The following SNCAIP variants were observed in gnomAD, a reference collection of about 807,000 sequenced individuals.
SNCAIP encodes the protein synphilin-1.
Under a neutral mutation model 86.7 loss-of-function variants are expected in SNCAIP, and 43 were observed. The observed-to-expected ratio is 0.50, with a 90% CI of 0.39 to 0.64. SNCAIP has a LOEUF of 0.64. SNCAIP is among the 30% of genes least tolerant of loss of function. The pLI is 0.00. For synonymous variants in SNCAIP, 417 were observed against 427.2 expected, an observed-to-expected ratio of 0.98 and a Z score of 0.29; for missense variants, 981 against 1,103.1, an observed-to-expected ratio of 0.89 and a Z score of 1.57.
In SNCAIP at chr5:122,389,759, C is replaced by A. The variant is rs1028986388; in HGVS notation, c.-46-1330C>A. ...TTAAACATGGAAGTAACATCCTAATCCTTTCTTGGATGGACTCTGTATCTA... is the reference window on the plus strand; with the variant it reads ...TTAAACATGGAAGTAACATCCTAATACTTTCTTGGATGGACTCTGTATCTA... On this transcript the variant is annotated intron_variant, in intron 1 of 10. Transcript: ENST00000261368. The A allele has an allele frequency of 2.6e-5, 4 of 152,188 alleles. No homozygotes were observed. The East Asian group carries it at 5.8e-4, about 22-fold the overall frequency. 9.4% of individuals were successfully genotyped at this position (152,188 alleles called of 1,614,324 possible).
rs1375394838 is a variant in SNCAIP, at chr5:122,438,006, AC to A, written c.1297-2617del. Among the ~76,000 whole-genome samples, 15 of 152,024 alleles carry A rather than the reference AC, an allele frequency of 9.9e-5. No homozygotes were observed. In the South Asian group the frequency reaches 1.0e-3, roughly 11 times the overall value. The stretch of plus-strand genomic sequence containing the variant: ...TTTTTTGTGTATGTGGAATAGACAT[AC>A]CCCCCATAATATTGGGGCCTGGAAA... On this transcript the variant is annotated intron_variant, in intron 6 of 10. Coordinates refer to ENST00000261368, the MANE Select transcript of SNCAIP (RefSeq NM_005460.4).
chr5:122,423,581 G>T lies in SNCAIP; in HGVS notation c.844G>T (p.Ala282Ser). 1 of 1,614,130 alleles carries T rather than the reference G, an allele frequency of 6.2e-7. No homozygotes were observed. The highest frequency in any genetic ancestry group is 8.5e-7 in the Non-Finnish European group (1 of 1,180,034). Reference sequence around the variant, plus strand: ...GACAACACCAGACTGCCAGCTCAGGGCCTTCCACCTACAATCCTCAGCAGC... The same window carrying T: ...GACAACACCAGACTGCCAGCTCAGGTCCTTCCACCTACAATCCTCAGCAGC... ...EKTTPDCQLR[A>S]FHLQSSAAES... The change falls in exon 4 of 11, where the codon GCC becomes TCC. Residue 282 changes from alanine (A) to serine (S), a missense_variant. Transcript: ENST00000261368.
chr5:122,434,105 G>C (rs930763429), intron 6 of SNCAIP, among the ~76,000 whole-genome samples: 1 of 152,124 alleles, frequency 6.6e-6, no homozygotes, highest in Admixed American at 6.5e-5. Flanking sequence ...TCAAATGATC[G>C]GAAGAATTTG....
chr5:122,391,248 G>A, intron 2 of SNCAIP, 57 bp downstream of exon 2: 1 of 1,210,192 alleles, frequency 8.3e-7, no homozygotes, highest in Non-Finnish European at 1.2e-6. Context: ...CAACTTCATA[G>A]CCTACTTTCT....
chr5:122,318,642 T>C (rs1752310882), intron 1 of SNCAIP, among the ~76,000 whole-genome samples: 1 of 152,236 alleles, frequency 6.6e-6, no homozygotes, highest in South Asian at 2.1e-4. Flanking sequence ...TACTGGGACA[T>C]GAAGACAGAT....
chr5:122,366,717 G>T (rs1763265626), intron 1 of SNCAIP, among the ~76,000 whole-genome samples: 1 of 152,064 alleles, frequency 6.6e-6, no homozygotes, highest in Admixed American at 6.6e-5. Flanking sequence ...GATAGGAGCT[G>T]AATGTAGGCA....
intron 1 of SNCAIP, among the ~76,000 whole-genome samples, chr5:122,339,839 T>G (rs984347837): frequency 2.0e-5 from 3 of 152,200 alleles, no homozygotes; most frequent in Non-Finnish European, 4.4e-5. Flanking sequence ...CGTGGAATAT[T>G]AAACGACTGA....
At chr5:122,450,092 A>C (rs111826850) in intron 9 of SNCAIP, among the ~76,000 whole-genome samples, 155 bp downstream of exon 9, 1 of 152,230 alleles carries the variant, frequency 6.6e-6, no homozygotes, top group African/African-American at 2.4e-5. Flanking sequence ...TGAAAAAGGC[A>C]CTGGACCTAG....
intron 2 of SNCAIP, among the ~76,000 whole-genome samples, chr5:122,394,385 G>C (rs943790564): frequency 3.3e-5 from 5 of 152,168 alleles, no homozygotes; most frequent in South Asian, 2.1e-4. Flanking sequence ...TACTTAATGA[G>C]AGAAAACACA....
intron 2 of SNCAIP, 84 bp downstream of exon 2, chr5:122,391,275 A>G: frequency 3.0e-6 from 3 of 984,578 alleles, no homozygotes; most frequent in Non-Finnish European, 4.9e-6. Context: ...TAGTCTATAT[A>G]TCCTCAACTT....
At chr5:122,311,894 T>A (rs1229701745), upstream of SNCAIP, 1 of 140,998 alleles carries the variant, frequency 7.1e-6, no homozygotes, top group Non-Finnish European at 1.6e-5. Context: ...GCGGGGAGGG[T>A]CGCTGTCAGT....
At chr5:122,451,802 ATACTC>A (rs1343265261) in intron 10 of SNCAIP, 15 of 567,236 alleles carry the variant, frequency 2.6e-5, no homozygotes, top group African/African-American at 5.6e-5. Context: ...CTTTTGGAAA[ATACTC>A]TAAGAGAGAA....
chr5:122,357,548 A>T (rs1193250684), intron 1 of SNCAIP, among the ~76,000 whole-genome samples: 2 of 151,558 alleles, frequency 1.3e-5, no homozygotes, highest in African/African-American at 4.8e-5. Flanking sequence ...TTACCTTTTT[A>T]AAAAAGCCTT....
chr5:122,337,431 G>T (rs1373430037), intron 1 of SNCAIP, among the ~76,000 whole-genome samples: 1 of 152,118 alleles, frequency 6.6e-6, no homozygotes, highest in Non-Finnish European at 1.5e-5. Flanking sequence ...TTTACCGAGA[G>T]AAATAGTTAC....
intron 1 of SNCAIP, among the ~76,000 whole-genome samples, chr5:122,335,381 T>C (rs900554022): frequency 1.3e-5 from 2 of 152,212 alleles, no homozygotes; most frequent in Admixed American, 6.5e-5. Flanking sequence ...AAACTGCTTT[T>C]ATTTTTTCTC....
chr5:122,417,412 A>T (rs565046861), intron 3 of SNCAIP, among the ~76,000 whole-genome samples: 37 of 152,186 alleles, frequency 2.4e-4, no homozygotes, highest in Non-Finnish European at 3.7e-4. Flanking sequence ...TAGCAATCTT[A>T]TAGTCTAACC....
At chr5:122,348,466 A>G (rs983633783) in intron 1 of SNCAIP, among the ~76,000 whole-genome samples, 9 of 152,158 alleles carry the variant, frequency 5.9e-5, no homozygotes, top group Non-Finnish European at 1.3e-4. Context: ...TGAAATGACT[A>G]GTTATAAAAG....
At chr5:122,448,940 C>T (rs1407132910) in intron 8 of SNCAIP, among the ~76,000 whole-genome samples, 5 of 150,470 alleles carry the variant, frequency 3.3e-5, no homozygotes, top group Non-Finnish European at 5.9e-5. Flanking sequence ...GGCGTGAACC[C>T]GGGAGGCGGA....
In SNCAIP at chr5:122,380,283, C is replaced by T. The variant is rs952003139; in HGVS notation, c.-46-10806C>T. ...TTTATTCTTGGGAGAGTGTATGTGT[C>T]GAGGAATTTATCCATTTCTTCTAGA... On this transcript the variant is annotated intron_variant, in intron 1 of 10. Coordinates refer to ENST00000261368, the MANE Select transcript of SNCAIP (RefSeq NM_005460.4). Among the ~76,000 whole-genome samples the T allele has an allele frequency of 4.6e-5, 7 of 152,252 alleles. No individual in the cohort carries two copies. The East Asian group carries it at 7.7e-4, about 17-fold the overall frequency.
Sources: gnomAD v4.1 joint callset for allele counts (sites outside exome capture counted in the v4.1 genomes callset) on GRCh38, gnomAD v4.1.1 for gene constraint, MANE v1.5 for transcripts, NCBI Gene and HGNC (gene_info 2026-07-23, HGNC 2026-07-21) for gene names.